PRKCE: variants seen among roughly 807,000 people sequenced by gnomAD.
PRKCE encodes protein kinase C epsilon.
A neutral mutation model predicts 85.4 loss-of-function variants in PRKCE; 16 were observed. The observed-to-expected ratio is 0.19, with a 90% CI of 0.13 to 0.28. The LOEUF (loss-of-function observed/expected upper bound fraction) is 0.28, where lower values mean the gene tolerates loss of function less well. Ranked by LOEUF, PRKCE falls within the 10% of genes least tolerant of loss-of-function variation. The pLI is 1.00. For synonymous variants in PRKCE, 388 were observed against 371.5 expected, an observed-to-expected ratio of 1.04 and a Z score of -0.51; for missense variants, 573 against 975.2, an observed-to-expected ratio of 0.59 and a Z score of 5.49.
intron 12 of PRKCE, among the ~76,000 whole-genome samples, chr2:46,148,407 C>T (rs1244375394): frequency 6.6e-6 from 1 of 152,214 alleles, no homozygotes; most frequent in Non-Finnish European, 1.5e-5. Flanking sequence ...GTGGAAGGGG[C>T]CTGGAGTGGG....
intron 2 of PRKCE, among the ~76,000 whole-genome samples, chr2:45,846,103 T>A (rs1240435777): frequency 2.0e-5 from 3 of 152,116 alleles, no homozygotes; most frequent in Non-Finnish European, 4.4e-5. Flanking sequence ...TAAGTAATAA[T>A]CACAGGGGGT....
intron 1 of PRKCE, among the ~76,000 whole-genome samples, chr2:45,726,107 A>G (rs545788589): frequency 6.6e-6 from 1 of 152,314 alleles, no homozygotes; most frequent in African/African-American, 2.4e-5. Flanking sequence ...CTTAGGGAAA[A>G]ACAAAGAAAG....
intron 11 of PRKCE, among the ~76,000 whole-genome samples, chr2:46,087,992 T>A (rs552355431): frequency 1.3e-5 from 2 of 152,242 alleles, no homozygotes; most frequent in Non-Finnish European, 2.9e-5. Flanking sequence ...ATGTCCCTTT[T>A]GATTAACTCA....
chr2:45,763,032 A>T (rs561258457), intron 1 of PRKCE, among the ~76,000 whole-genome samples: 39 of 151,604 alleles, frequency 2.6e-4, no homozygotes, highest in African/African-American at 8.7e-4. Flanking sequence ...GCTCACTGCA[A>T]GCTCCGCCTC....
intron 11 of PRKCE, among the ~76,000 whole-genome samples, chr2:46,137,705 C>T (rs1215042264): frequency 1.3e-5 from 2 of 151,368 alleles, no homozygotes; most frequent in Middle Eastern, 3.2e-3. Flanking sequence ...AGAGGGTGCA[C>T]CGAGATAGTG....
At position 45,788,033 on chromosome 2, in the gene PRKCE, A is replaced by G. The variant is rs1043240583; in HGVS notation, c.349-54967A>G. 3.3e-5 allele frequency among the ~76,000 whole-genome samples: 5 copies of G among 152,294 alleles called. No homozygotes were observed. In the East Asian group the frequency reaches 7.7e-4, roughly 24 times the overall value. ...AAACCCTGAAGGTCAGGATCGTTCA[A>G]TAATATTCTCCCCCATTTCAGGCCT... On this transcript the variant is annotated intron_variant, in intron 1 of 14. Transcript: ENST00000306156.
intron 10 of PRKCE, among the ~76,000 whole-genome samples, chr2:46,084,669 C>G (rs1044405862): frequency 3.4e-5 from 5 of 145,418 alleles, no homozygotes; most frequent in Admixed American, 2.2e-4. Context: ...TTGCAGTGAG[C>G]TGAGATCGCA....
intron 10 of PRKCE, among the ~76,000 whole-genome samples, chr2:46,036,321 A>G (rs763916654): frequency 5.3e-5 from 8 of 152,198 alleles, no homozygotes; most frequent in Non-Finnish European, 8.8e-5. Context: ...TCATGCCTGT[A>G]ATGCCAGCAC....
At position 45,743,769 on chromosome 2, in the gene PRKCE, A is replaced by G. The variant is rs17034090; in HGVS notation, c.348+91321A>G. ...TTTAGTCCAGATACTTTGAGCCAAC[A>G]CATCCACATTAGCAGACTCCACAGA... On this transcript the variant is annotated intron_variant, in intron 1 of 14. Transcript: ENST00000306156. Among the ~76,000 whole-genome samples the G allele has an allele frequency of 8.8e-3, 1,343 of 152,336 alleles. 25 individuals are homozygous for G. Among genetic ancestry groups the G allele is most frequent in the African/African-American group, 0.031 (1,295 of 41,562 alleles).
chr2:45,932,014 G>T (rs1022438284), intron 2 of PRKCE, among the ~76,000 whole-genome samples: 6 of 152,136 alleles, frequency 3.9e-5, no homozygotes, highest in Admixed American at 1.3e-4. Flanking sequence ...ACCACACCCG[G>T]CCACATACTG....
At chr2:45,859,325 A>G (rs1287293612) in intron 2 of PRKCE, among the ~76,000 whole-genome samples, 1 of 152,110 alleles carries the variant, frequency 6.6e-6, no homozygotes, top group Non-Finnish European at 1.5e-5. Context: ...TAGTTTCTCT[A>G]GATTATTTAC....
chr2:45,655,611 A>T (rs966753949), intron 1 of PRKCE, among the ~76,000 whole-genome samples: 2 of 152,116 alleles, frequency 1.3e-5, no homozygotes, highest in Non-Finnish European at 1.5e-5. Flanking sequence ...GGACCGTTTG[A>T]GTCCAGAAGT....
intron 10 of PRKCE, among the ~76,000 whole-genome samples, chr2:46,084,816 A>G (rs990762463): frequency 3.3e-5 from 5 of 151,240 alleles, no homozygotes; most frequent in African/African-American, 1.2e-4. Flanking sequence ...TGATCTGGTC[A>G]GTTTACTGGC....
intron 1 of PRKCE, among the ~76,000 whole-genome samples, chr2:45,842,094 C>A (rs1348395464): frequency 6.6e-6 from 1 of 152,150 alleles, no homozygotes; most frequent in African/African-American, 2.4e-5. Context: ...AACACAGTTT[C>A]TGTAAGGATA....
intron 1 of PRKCE, among the ~76,000 whole-genome samples, chr2:45,823,629 G>A (rs1217650252): frequency 6.6e-6 from 1 of 152,208 alleles, no homozygotes; most frequent in Non-Finnish European, 1.5e-5. Flanking sequence ...GGCCATGGTG[G>A]CAGGCACTCC....
chr2:46,057,895 C>T (rs975645055), intron 10 of PRKCE, among the ~76,000 whole-genome samples: 1 of 152,106 alleles, frequency 6.6e-6, no homozygotes, highest in Non-Finnish European at 1.5e-5. Flanking sequence ...GTATAAATAC[C>T]ACTGTTAGGG....
chr2:46,111,700 G>A (rs1482761495), intron 11 of PRKCE, among the ~76,000 whole-genome samples: 2 of 152,120 alleles, frequency 1.3e-5, no homozygotes, highest in Non-Finnish European at 2.9e-5. Context: ...TTCATTGTTT[G>A]GATATACCAC....
At chr2:45,719,180 T>C (rs1005996596) in intron 1 of PRKCE, among the ~76,000 whole-genome samples, 1 of 152,228 alleles carries the variant, frequency 6.6e-6, no homozygotes, top group African/African-American at 2.4e-5. Flanking sequence ...CTTGGGGACT[T>C]CCCTCTTCTT....
At chr2:46,076,224 A>C (rs1668547950) in intron 10 of PRKCE, among the ~76,000 whole-genome samples, 1 of 152,220 alleles carries the variant, frequency 6.6e-6, no homozygotes, top group Non-Finnish European at 1.5e-5. Flanking sequence ...TGTTCGTGGC[A>C]GGAGATCGCT....
Sources: allele counts gnomAD v4.1 joint callset (sites outside exome capture counted in the v4.1 genomes callset), GRCh38; gene constraint gnomAD v4.1.1; transcripts MANE v1.5; gene names NCBI Gene and HGNC (gene_info 2026-07-23, HGNC 2026-07-21).